Variants in RASGRF1 observed in about 807,000 individuals in gnomAD.
RASGRF1 encodes the protein ras-specific guanine nucleotide-releasing factor 1.
RASGRF1 carries 40 observed loss-of-function variants against 138.7 expected under a neutral mutation model. The ratio of observed to expected loss-of-function variants is 0.29; its 90% CI spans 0.22 to 0.38. The LOEUF (loss-of-function observed/expected upper bound fraction) is 0.38, where lower values mean the gene tolerates loss of function less well. RASGRF1 is among the 10% of genes least tolerant of loss of function. The pLI is 1.00. For missense variants in RASGRF1, 1,108 were observed against 1,650.4 expected (o/e 0.67, Z 5.69); for synonymous variants, 614 against 663.2 (o/e 0.93, Z 1.14).
At position 78,973,850 on chromosome 15, in the gene RASGRF1, C is replaced by T. The variant is rs981781969; in HGVS notation, c.3495-430G>A. Among the ~76,000 whole-genome samples the T allele has an allele frequency of 6.6e-6, 1 of 152,154 alleles. No individual in the cohort carries two copies. The highest frequency in any genetic ancestry group is 1.5e-5 in the Non-Finnish European group (1 of 68,030). ...CTCCTGGAGGGCTCTGCAGCCCCAG[C>T]CCCCCAACTCCTGCCAGTCACCCTA... On this transcript the variant is annotated intron_variant, in intron 24 of 26. Coordinates refer to ENST00000558480, the MANE Select transcript of RASGRF1 (RefSeq NM_001145648.3). The surrounding 1 kb of genome is among the most constrained non-coding windows in gnomAD (Gnocchi z 4.9).
intron 24 of RASGRF1, among the ~76,000 whole-genome samples, chr15:78,977,065 T>C (rs1477510428): frequency 2.0e-5 from 3 of 152,196 alleles, no homozygotes; most frequent in Non-Finnish European, 2.9e-5. Context: ...CTCCTGATGA[T>C]GTTAAATGGA....
chr15:79,079,395 G>A (rs995830663), intron 1 of RASGRF1, among the ~76,000 whole-genome samples: 19 of 151,250 alleles, frequency 1.3e-4, no homozygotes, highest in African/African-American at 3.9e-4. Context: ...TATTAACTGC[G>A]GCTCCATTTG....
At chr15:78,999,513 G>A (rs2056470765) in intron 17 of RASGRF1, among the ~76,000 whole-genome samples, 1 of 152,138 alleles carries the variant, frequency 6.6e-6, no homozygotes, top group African/African-American at 2.4e-5. Flanking sequence ...GTGGAAGGCG[G>A]TGCCCAAGCC....
intron 2 of RASGRF1, among the ~76,000 whole-genome samples, chr15:79,059,245 TTCCCTATCCTTCCCTTCCCTTC>T (rs2057555820): frequency 7.2e-5 from 8 of 111,522 alleles, no homozygotes; most frequent in Admixed American, 3.3e-4. Context: ...TTCCCTTCCC[TTCCCTATCCTTCCCTTCCCTTC>T]CCTTCCCTAT....
In RASGRF1 at chr15:79,027,996, G is replaced by A; in HGVS notation, c.1263-137C>T. ...TCAGGTGGAGTCTGTGGTCATGGAG[G>A]GGAAGGGAGTGTGCATTTACTGAGT... On this transcript the variant is annotated intron_variant, in intron 8 of 26. Transcript: ENST00000558480. The surrounding 1 kb of genome is among the most constrained non-coding windows in gnomAD (Gnocchi z 4.8). 1.2e-6 allele frequency: 1 copy of A among 867,342 alleles called. No homozygotes were observed. Among genetic ancestry groups the A allele is most frequent in the Non-Finnish European group, 1.9e-6 (1 of 540,482 alleles). The allele number at this position is 867,342 out of a possible 1,614,324, so 53.7% of individuals were successfully genotyped here.
intron 10 of RASGRF1, among the ~76,000 whole-genome samples, chr15:79,023,484 T>C (rs2140985310): frequency 6.6e-6 from 1 of 152,176 alleles, no homozygotes; most frequent in African/African-American, 2.4e-5. Flanking sequence ...GTGGGCTGTG[T>C]CGGGGGACAG....
chr15:79,026,287 A>G (rs565572040), intron 9 of RASGRF1, among the ~76,000 whole-genome samples: 2 of 152,282 alleles, frequency 1.3e-5, no homozygotes, highest in East Asian at 3.9e-4. Context: ...GTTCTGGGTC[A>G]AGTTAGCCTG....
intron 5 of RASGRF1, among the ~76,000 whole-genome samples, chr15:79,038,153 A>G (rs4280203): frequency 0.55 from 83,958 of 151,922 alleles, 23,933 homozygotes; most frequent in East Asian, 0.73. Flanking sequence ...TGGCCCAGGG[A>G]TTGGGGACCC....
chr15:78,961,928 C>T lies in RASGRF1; in HGVS notation c.*216G>A. The T allele has an allele frequency of 3.9e-6, 2 of 515,588 alleles. No individual in the cohort carries two copies. Among genetic ancestry groups the T allele is most frequent in the South Asian group, 2.2e-5 (1 of 45,122 alleles). The allele number at this position is 515,588 out of a possible 1,614,324, so 31.9% of individuals were successfully genotyped here. Reference sequence around the variant, plus strand: ...CAAGAGTACAGCTGTTTAAAAGAAACAGGCACTGCAGGAGACGAGGGGAGG... The same window carrying T: ...CAAGAGTACAGCTGTTTAAAAGAAATAGGCACTGCAGGAGACGAGGGGAGG... On this transcript the variant is annotated 3_prime_UTR_variant, in exon 27 of 27. Transcript: ENST00000558480.
chr15:78,987,333 T>TA (rs11307184), intron 22 of RASGRF1, among the ~76,000 whole-genome samples: 5 of 150,968 alleles, frequency 3.3e-5, no homozygotes, highest in African/African-American at 1.2e-4. Context: ...AAAAGATAAT[T>TA]AAAAAAAAAA....
Position 79,027,849 on chromosome 15 carries a change from C to T in RASGRF1, c.1273G>A (p.Asp425Asn), listed in dbSNP as rs775589870. ...KLEELSRIMH[D>N]EVSETENIRK... Reference sequence around the variant, plus strand: ...ATGTTCTCCGTCTCACTTACTTCATCGTGCATTATTCTGTGGGGATGGGAA... The same window carrying T: ...ATGTTCTCCGTCTCACTTACTTCATTGTGCATTATTCTGTGGGGATGGGAA... Residue 425 changes from aspartate to asparagine, a missense_variant, in exon 9 of 27, where the codon GAT becomes AAT. Around this residue, in one of 3 missense-constraint regions of RASGRF1, gnomAD observed 169 missense variants for 344.2 expected, o/e 0.49. Transcript: ENST00000558480. This position sits in a 1 kb window ranked among gnomAD's most constrained non-coding sequence, Gnocchi z 4.8. 23 of 1,614,110 alleles carry T rather than the reference C, an allele frequency of 1.4e-5. No individual in the cohort carries two copies. The highest frequency in any genetic ancestry group is 1.1e-4 in the South Asian group (10 of 91,088).
intron 14 of RASGRF1, chr15:79,004,901 G>T (rs965081862): frequency 3.1e-6 from 3 of 981,430 alleles, no homozygotes; most frequent in Non-Finnish European, 3.6e-6. Context: ...GATAACTGCA[G>T]GAATGTCACA....
At chr15:78,981,399 C>T (rs2056026582) in intron 23 of RASGRF1, 1 of 152,218 alleles carries the variant, frequency 6.6e-6, no homozygotes, top group African/African-American at 2.4e-5. Context: ...CAGGGGTCCT[C>T]AGCTCCCTCA....
At position 79,031,282 on chromosome 15, in the gene RASGRF1, T is replaced by G. The variant is rs1225064977; in HGVS notation, c.1262+118A>C. ...TTTGAGCTGTGGCAAGCTGTGCCCCTCCCTTACAATCCCCATCTGAACTCA... is the reference window on the plus strand; with the variant it reads ...TTTGAGCTGTGGCAAGCTGTGCCCCGCCCTTACAATCCCCATCTGAACTCA... On this transcript the variant is annotated intron_variant, in intron 8 of 26. Transcript: ENST00000558480. 5.1e-6 allele frequency: 4 copies of G among 790,048 alleles called. No individual in the cohort carries two copies. The African/African-American group carries it at 6.9e-5, about 14-fold the overall frequency. 48.9% of individuals were successfully genotyped at this position (790,048 alleles called of 1,614,324 possible).
intron 5 of RASGRF1, among the ~76,000 whole-genome samples, chr15:79,038,564 TTTC>T (rs2057253567): frequency 6.6e-6 from 1 of 152,220 alleles, no homozygotes. Context: ...GCCATTTGTA[TTTC>T]TTTTTAAAAA....
chr15:79,002,308 T>A (rs372551500), intron 15 of RASGRF1, among the ~76,000 whole-genome samples: 1 of 152,170 alleles, frequency 6.6e-6, no homozygotes, highest in East Asian at 1.9e-4. Flanking sequence ...GGCTTCCTAA[T>A]CTTGGGAGAC....
chr15:79,064,597 C>G, intron 1 of RASGRF1, 71 bp from the exon 2 acceptor site: 1 of 1,483,446 alleles, frequency 6.7e-7, no homozygotes, highest in Non-Finnish European at 9.4e-7. Context: ...TGCAATCAAT[C>G]TAGCTGTTTT....
intron 24 of RASGRF1, among the ~76,000 whole-genome samples, chr15:78,975,980 T>A (rs889044515): frequency 1.3e-5 from 2 of 152,110 alleles, no homozygotes; most frequent in Non-Finnish European, 2.9e-5. Context: ...TCACCCTGCA[T>A]GTGTGACAGT....
chr15:79,026,036 CCTCAG>C (rs1184432625), intron 9 of RASGRF1, among the ~76,000 whole-genome samples: 6 of 152,190 alleles, frequency 3.9e-5, no homozygotes, highest in African/African-American at 1.4e-4. Flanking sequence ...GCTTCTCAGT[CCTCAG>C]CACAGCACTC....
Sources: gnomAD v4.1 joint callset for allele counts (sites outside exome capture counted in the v4.1 genomes callset) on GRCh38, gnomAD v4.1.1 for gene constraint, gnomAD v4.1.1 regional missense constraint, Gnocchi (gnomAD v3.1) non-coding constraint, MANE v1.5 for transcripts, NCBI Gene and HGNC (gene_info 2026-07-23, HGNC 2026-07-21) for gene names.